Variants in SYTL4 observed in about 807,000 individuals in gnomAD.
The protein encoded by SYTL4 is synaptotagmin-like protein 4.
A neutral mutation model predicts 52.7 loss-of-function variants in SYTL4; 16 were observed. That is an observed-to-expected ratio of 0.30 (90% CI 0.21 to 0.46). The LOEUF is 0.46. Among genes scored for constraint, SYTL4 ranks in the 20% least tolerant of loss-of-function variants. SYTL4 has a pLI of 1.00. For synonymous variants in SYTL4, 160 were observed against 186.6 expected, an observed-to-expected ratio of 0.86 and a Z score of 1.16; for missense variants, 423 against 519.9, an observed-to-expected ratio of 0.81 and a Z score of 1.81.
intron 2 of SYTL4, among the ~76,000 whole-genome samples, chrX:100,709,027 A>T (rs886398934): frequency 8.9e-6 from 1 of 112,382 alleles, no homozygotes; most frequent in East Asian, 2.8e-4. Flanking sequence ...GGAGCTTGGC[A>T]CAGTGTGTGA....
At chrX:100,719,894 C>T (rs921025215) in intron 2 of SYTL4, among the ~76,000 whole-genome samples, 6 of 111,611 alleles carry the variant, frequency 5.4e-5, no homozygotes, top group African/African-American at 2.0e-4. Flanking sequence ...AGAAGGAAGT[C>T]AGATATCTTA....
intron 19 of SYTL4, among the ~76,000 whole-genome samples, chrX:100,677,796 G>A (rs2083305096): frequency 8.9e-6 from 1 of 112,224 alleles, no homozygotes; most frequent in African/African-American, 3.2e-5. Flanking sequence ...AGAGTGGTGG[G>A]ACAAAAGCCA....
intron 2 of SYTL4, among the ~76,000 whole-genome samples, chrX:100,724,439 G>A (rs1238623585): frequency 9.5e-6 from 1 of 105,432 alleles, no homozygotes; most frequent in Non-Finnish European, 2.0e-5. Flanking sequence ...GGGGGGAAAG[G>A]TGGGGAAAAG....
At chrX:100,694,836 C>T (rs1225941286) in intron 8 of SYTL4, among the ~76,000 whole-genome samples, 1 of 111,784 alleles carries the variant, frequency 8.9e-6, no homozygotes, top group African/African-American at 3.3e-5. Context: ...ATAAACTCTC[C>T]AAGTTGTCAC....
At chrX:100,699,614 G>A (rs748401238) in intron 8 of SYTL4, among the ~76,000 whole-genome samples, 204 of 91,834 alleles carry the variant, frequency 2.2e-3, no homozygotes, top group African/African-American at 7.7e-3. Flanking sequence ...TCAGCCTCCC[G>A]AGTAGCTGGG....
In SYTL4 at chrX:100,686,120, C is replaced by T. The variant is rs2083469262; in HGVS notation, c.1319G>A (p.Arg440Lys). ...ATGCCAAACTGAGAACTGCAGGGTC[C>T]TCTGGGCCAGGAGAGATTCTGGGAT... is the stretch of plus-strand genomic sequence containing the variant. ...YEIPESLLAQRTLQFSVWHHG... is the reference protein window; with the variant it reads ...YEIPESLLAQKTLQFSVWHHG... The change falls in exon 16 of 20, where the codon AGG (arginine) becomes AAG (lysine). Residue 440 changes from arginine (R) to lysine (K), a missense_variant. Transcript: ENST00000372989. 1.7e-6 allele frequency: 2 copies of T among 1,209,841 alleles called. No homozygotes were observed. Among genetic ancestry groups the T allele is most frequent in the Non-Finnish European group, 1.1e-6 (1 of 894,631 alleles).
At position 100,701,012 on chromosome X, in the gene SYTL4, G is replaced by A. The variant is rs753898702; in HGVS notation, c.437-13C>T. Reference sequence around the variant, plus strand: ...TCTCTTTTACTCACTTCAAGACAAAGAAAAGTATGCCAGGGTGGTGGTTAT... The same window carrying A: ...TCTCTTTTACTCACTTCAAGACAAAAAAAAGTATGCCAGGGTGGTGGTTAT... On this transcript the variant is annotated splice_polypyrimidine_tract_variant and intron_variant, in intron 7 of 19. Transcript: ENST00000372989. The A allele has an allele frequency of 5.1e-6, 6 of 1,169,634 alleles. No homozygotes were observed. Among genetic ancestry groups the A allele is most frequent in the Non-Finnish European group, 7.0e-6 (6 of 857,655 alleles).
At chrX:100,707,253 C>T (rs1341143872) in intron 2 of SYTL4, among the ~76,000 whole-genome samples, 1 of 111,896 alleles carries the variant, frequency 8.9e-6, no homozygotes, top group Admixed American at 9.5e-5. Flanking sequence ...CCATACAGAC[C>T]AGTCTCTGAC....
At chrX:100,686,469 G>T (rs2083475411) in intron 15 of SYTL4, 5 of 396,206 alleles carry the variant, frequency 1.3e-5, no homozygotes, top group Middle Eastern at 6.8e-4. Flanking sequence ...GTGGCCATGT[G>T]AATCTCAAAC....
intron 2 of SYTL4, among the ~76,000 whole-genome samples, chrX:100,706,023 C>T (rs1351731230): frequency 9.0e-6 from 1 of 110,910 alleles, no homozygotes; most frequent in Non-Finnish European, 1.9e-5. Flanking sequence ...GATGGCTCAA[C>T]ATTTGAACCA....
intron 1 of SYTL4, 101 bp from the exon 2 acceptor site, chrX:100,731,606 G>A (rs755194312): frequency 1.0e-5 from 1 of 97,991 alleles, no homozygotes; most frequent in Non-Finnish European, 2.1e-5. Context: ...GCTCTCGGGA[G>A]GGGCACCAGC....
At chrX:100,702,372 T>C (rs1157334711) in intron 4 of SYTL4, among the ~76,000 whole-genome samples, 2 of 112,271 alleles carry the variant, frequency 1.8e-5, no homozygotes, top group East Asian at 2.8e-4. Flanking sequence ...GGAAAGAACA[T>C]AGAACAGCTG....
Position 100,701,626 on chromosome X carries a change from C to T in SYTL4, c.158G>A (p.Arg53Lys), listed in dbSNP as rs1221822775. Residue 53 changes from arginine (R) to lysine (K), a missense_variant, in exon 6 of 20, where the codon AGG (arginine) becomes AAG (lysine). Arg to Lys is a conservative substitution (Grantham distance 26). Coordinates refer to ENST00000372989, the MANE Select transcript of SYTL4 (RefSeq NM_001370165.1). Reference protein sequence around the residue: ...LLEIKRKGAKRGSQHYSDRTC... With the variant: ...LLEIKRKGAKKGSQHYSDRTC... Reference sequence around the variant, plus strand: ...CCGATCACTGTAGTGTTGGCTGCCCCTCTTGGCCCCTTTCCTTTTTATCTC... The same window carrying T: ...CCGATCACTGTAGTGTTGGCTGCCCTTCTTGGCCCCTTTCCTTTTTATCTC... 9.9e-6 allele frequency: 12 copies of T among 1,210,084 alleles called. No homozygotes were observed. Among genetic ancestry groups the T allele is most frequent in the Non-Finnish European group, 1.3e-5 (12 of 895,302 alleles).
intron 8 of SYTL4, among the ~76,000 whole-genome samples, chrX:100,692,487 G>A (rs2147730721): frequency 9.0e-6 from 1 of 111,564 alleles, no homozygotes; most frequent in South Asian, 3.8e-4. Context: ...TAAATAAGCA[G>A]TATGTCTAGA....
intron 16 of SYTL4, among the ~76,000 whole-genome samples, chrX:100,682,094 C>T (rs5966712): frequency 0.028 from 3,125 of 111,174 alleles, 112 homozygotes; most frequent in African/African-American, 0.098. Flanking sequence ...AACAGAGAAG[C>T]TAAGTAACTT....
Position 100,711,323 on chromosome X carries a change from A to G in SYTL4, c.-239-6437T>C, listed in dbSNP as rs181426979. ...CTAACAGGCATGCAAAAAAGCAAGA[A>G]AATATGATCCATAATAATGAGAAAA... On this transcript the variant is annotated intron_variant, in intron 2 of 19. Transcript: ENST00000372989. 9.4e-3 allele frequency among the ~76,000 whole-genome samples: 1,057 copies of G among 112,254 alleles called. 19 individuals carry two copies. Among genetic ancestry groups the G allele is most frequent in the African/African-American group, 0.033 (1,007 of 30,876 alleles).
chrX:100,698,345 C>A (rs1006672613), intron 8 of SYTL4, among the ~76,000 whole-genome samples: 66 of 111,229 alleles, frequency 5.9e-4, no homozygotes, highest in Non-Finnish European at 1.1e-3. Context: ...CCTTGTGATC[C>A]GCCCGCCTCG....
chrX:100,701,610 G>A lies in SYTL4; in HGVS notation c.174C>T (p.Tyr58=). Reference sequence around the variant, plus strand: ...GGCACCGGGCACAGGTCCGATCACTGTAGTGTTGGCTGCCCCTCTTGGCCC... The same window carrying A: ...GGCACCGGGCACAGGTCCGATCACTATAGTGTTGGCTGCCCCTCTTGGCCC... The part of the protein sequence containing the change: ...RKGAKRGSQH[Y]SDRTCARCQE... The change falls in exon 6 of 20, where the codon TAC becomes TAT. Residue 58 remains tyrosine (Y), a synonymous_variant. Transcript: ENST00000372989. 8.3e-7 allele frequency: 1 copy of A among 1,211,937 alleles called. No homozygotes were observed. Among genetic ancestry groups the A allele is most frequent in the Non-Finnish European group, 1.1e-6 (1 of 895,558 alleles).
chrX:100,711,807 C>A (rs749104191), intron 2 of SYTL4, among the ~76,000 whole-genome samples: 1 of 106,141 alleles, frequency 9.4e-6, no homozygotes, highest in Non-Finnish European at 1.9e-5. Flanking sequence ...ATGTGGCACA[C>A]CATAAATTGC....
Sources: allele counts gnomAD v4.1 joint callset (sites outside exome capture counted in the v4.1 genomes callset), GRCh38; gene constraint gnomAD v4.1.1; transcripts MANE v1.5; gene names NCBI Gene and HGNC (gene_info 2026-07-23, HGNC 2026-07-21).